Variants in STOML1 observed in about 807,000 individuals in gnomAD.
The protein encoded by STOML1 is stomatin like 1.
A neutral mutation model predicts 35.7 loss-of-function variants in STOML1; 27 were observed. The ratio of observed to expected loss-of-function variants is 0.76; its 90% CI spans 0.56 to 1.04. The LOEUF (loss-of-function observed/expected upper bound fraction) is 1.04, where lower values mean the gene tolerates loss of function less well. Ranked by LOEUF, STOML1 falls within the 50% of genes least tolerant of loss-of-function variation. The pLI, the probability that STOML1 is intolerant of heterozygous loss-of-function variation, is 0.00. For synonymous variants in STOML1, 219 were observed against 227.9 expected (o/e 0.96, Z 0.35); for missense variants, 451 against 527.1 (o/e 0.86, Z 1.41).
chr15:73,985,189 G>A, intron 5 of STOML1, 129 bp downstream of exon 5: 1 of 1,174,052 alleles, frequency 8.5e-7, no homozygotes. Context: ...TCACTGCCTT[G>A]GCTGTGGTCA....
rs888158753 is a variant in STOML1 at position 73,982,590 on chromosome 15, G to A, written c.*1347C>T. ...AAACAAGACAGAGCCAGGCACCCAG[G>A]AAGGGCAGAGACCCCTTGGGGGAGA... On this transcript the variant is annotated 3_prime_UTR_variant, in exon 7 of 7. Transcript: ENST00000541638. The A allele has an allele frequency of 9.8e-5, 15 of 152,680 alleles. No homozygotes were observed. Among genetic ancestry groups the A allele is most frequent in the Non-Finnish European group, 1.8e-4 (12 of 68,398 alleles). The allele number at this position is 152,680 out of a possible 1,614,324, so 9.5% of individuals were successfully genotyped here.
In STOML1 at chr15:73,984,630, G is replaced by A. The variant is rs530027105; in HGVS notation, c.1003+29C>T. On this transcript the variant is annotated intron_variant, in intron 6 of 6. Coordinates refer to ENST00000541638, the MANE Select transcript of STOML1 (RefSeq NM_004809.5). ...AACAAGAAACCTAGCAAGCTGGATG[G>A]GAAGGAGAGGCAAGGAGGGCAGCGG... 14 of 1,609,366 alleles carry A rather than the reference G, an allele frequency of 8.7e-6. No homozygotes were observed. In the South Asian group the frequency reaches 1.5e-4, roughly 18 times the overall value.
At chr15:73,987,640 C>G (rs2069139077) in intron 4 of STOML1, 1 of 152,238 alleles carries the variant, frequency 6.6e-6, no homozygotes, top group African/African-American at 2.4e-5. Context: ...TATGGCTCAG[C>G]TCTGCCCTTG....
chr15:73,990,515 G>T, intron 1 of STOML1, 58 bp from the exon 2 acceptor site: 9 of 1,507,978 alleles, frequency 6.0e-6, no homozygotes, highest in South Asian at 2.4e-5. Flanking sequence ...CAAGCGGAGT[G>T]AACTTGGGCA....
At chr15:73,989,817 CCA>C (rs2069210535) in intron 2 of STOML1, among the ~76,000 whole-genome samples, 1 of 152,166 alleles carries the variant, frequency 6.6e-6, no homozygotes, top group Non-Finnish European at 1.5e-5. Context: ...CCCTTGCAGA[CCA>C]CACCAAACCC....
chr15:73,993,248 G>A (rs1306327112), upstream of STOML1, among the ~76,000 whole-genome samples: 1 of 152,194 alleles, frequency 6.6e-6, no homozygotes, highest in African/African-American at 2.4e-5. Flanking sequence ...GAATTAACTT[G>A]CCTCTCCAGG....
chr15:73,983,817 G>T lies in STOML1; in HGVS notation c.*120C>A. The T allele has an allele frequency of 8.4e-7, 1 of 1,187,164 alleles. No homozygotes were observed. The highest frequency in any genetic ancestry group is 1.2e-6 in the Non-Finnish European group (1 of 858,916). The allele number at this position is 1,187,164 out of a possible 1,614,324, so 73.5% of individuals were successfully genotyped here. A position where few individuals can be genotyped will look rare whatever the true frequency, so the allele number is the denominator to read the frequency against. On this transcript the variant is annotated 3_prime_UTR_variant, in exon 7 of 7. Transcript: ENST00000541638. ...GCCTCCATTCATGGGCTCTTGGCTG[G>T]GCCTGAAATTTGTTAGGGCCTCAAC...
At position 73,984,138 on chromosome 15, in the gene STOML1, G is replaced by A; in HGVS notation, c.1004-8C>T. On this transcript the variant is annotated splice_polypyrimidine_tract_variant and splice_region_variant and intron_variant, in intron 6 of 6. Coordinates refer to ENST00000541638, the MANE Select transcript of STOML1 (RefSeq NM_004809.5). ...GTCCCACTCTTCCTCGTCCTGTGGG[G>A]CAAAAGAAAACCGAGTGTCAGTAGG... The A allele has an allele frequency of 1.2e-6, 2 of 1,604,772 alleles. No homozygotes were observed. The highest frequency in any genetic ancestry group is 1.7e-6 in the Non-Finnish European group (2 of 1,173,080).
At chr15:73,992,362 G>T, upstream of STOML1, 1 of 1,073,532 alleles carries the variant, frequency 9.3e-7, no homozygotes, top group East Asian at 3.5e-5. Flanking sequence ...CGCAGGAAGA[G>T]GAGGCCGGCC....
At chr15:73,984,521 G>A in intron 6 of STOML1, 138 bp downstream of exon 6, 1 of 1,009,210 alleles carries the variant, frequency 9.9e-7, no homozygotes, top group Non-Finnish European at 1.4e-6. Context: ...TGGAAATGGT[G>A]TCTGAGCCCC....
intron 6 of STOML1, 56 bp downstream of exon 6, chr15:73,984,603 G>T: frequency 3.1e-6 from 5 of 1,595,610 alleles, no homozygotes; most frequent in Non-Finnish European, 4.3e-6. Flanking sequence ...ACTGGGGTAG[G>T]TAACAAGAAA....
intron 1 of STOML1, 22 bp from the exon 2 acceptor site, chr15:73,990,479 G>C (rs751542224): frequency 2.5e-6 from 4 of 1,574,108 alleles, no homozygotes; most frequent in Middle Eastern, 1.7e-4. Context: ...AGCAGAGGTG[G>C]TCAACTGGAC....
rs1295835838 is a variant in STOML1 at position 73,992,121 on chromosome 15, G to A, written c.103C>T (p.Pro35Ser). The A allele has an allele frequency of 1.9e-6, 3 of 1,604,008 alleles. No homozygotes were observed. The highest frequency in any genetic ancestry group is 2.6e-6 in the Non-Finnish European group (3 of 1,176,406). ...FLGSQKGCLS[P>S]ERGGVGTGAD... ...CCTGTCCCCACGCCGCCCCGCTCCGGGGACAAGCAGCCCTTCTGCGAGCCC... is the reference window on the plus strand; with the variant it reads ...CCTGTCCCCACGCCGCCCCGCTCCGAGGACAAGCAGCCCTTCTGCGAGCCC... Residue 35 changes from proline to serine, a missense_variant, in exon 1 of 7, where the codon CCG (proline) becomes TCG (serine). Pro to Ser is a moderately conservative substitution (Grantham distance 74). Coordinates refer to ENST00000541638, the MANE Select transcript of STOML1 (RefSeq NM_004809.5).
At position 73,988,369 on chromosome 15, in the gene STOML1, ACTTCCTCTT is replaced by A; in HGVS notation, c.594+221_594+229del. On this transcript the variant is annotated intron_variant, in intron 4 of 6. Transcript: ENST00000541638. The surrounding 1 kb of genome is among the most constrained non-coding windows in gnomAD (Gnocchi z 4.8). Reference sequence around the variant, plus strand: ...GACCCCAAGAATGTCTGCCGGGGCCACTTCCTCTTCTCAGGGACAAGTTTGCCCAGGATC... The same window carrying A: ...GACCCCAAGAATGTCTGCCGGGGCCACTCAGGGACAAGTTTGCCCAGGATC... The A allele has an allele frequency of 1.8e-6, 1 of 560,742 alleles. No homozygotes were observed. The highest frequency in any genetic ancestry group is 3.2e-6 in the Non-Finnish European group (1 of 317,194). The allele number at this position is 560,742 out of a possible 1,614,324, so 34.7% of individuals were successfully genotyped here.
At position 73,988,467 on chromosome 15, in the gene STOML1, A is replaced by T; in HGVS notation, c.594+132T>A. The T allele has an allele frequency of 9.1e-7, 1 of 1,101,112 alleles. No homozygotes were observed. The highest frequency in any genetic ancestry group is 2.5e-5 in the Admixed American group (1 of 40,478). The allele number at this position is 1,101,112 out of a possible 1,614,324, so 68.2% of individuals were successfully genotyped here. The stretch of plus-strand genomic sequence containing the variant: ...GCCCCACCCAGGCACTGGCTCTTCA[A>T]AGGTGGTTACACTATTGGGACATAT... On this transcript the variant is annotated intron_variant, in intron 4 of 6. Coordinates refer to ENST00000541638, the MANE Select transcript of STOML1 (RefSeq NM_004809.5). This position sits in a 1 kb window ranked among gnomAD's most constrained non-coding sequence, Gnocchi z 4.8.
At chr15:73,994,373 C>A (rs1043908652), upstream of STOML1, among the ~76,000 whole-genome samples, 2 of 152,218 alleles carry the variant, frequency 1.3e-5, no homozygotes, top group African/African-American at 4.8e-5. Flanking sequence ...CGTTTGCAGG[C>A]TTGCTCTTCC....
intron 1 of STOML1, 115 bp downstream of exon 1, chr15:73,991,976 C>A (rs1046374768): frequency 6.4e-5 from 89 of 1,398,274 alleles, no homozygotes; most frequent in Non-Finnish European, 7.9e-5. Flanking sequence ...CTTTCTCAGT[C>A]CCCCCTCGTA....
Position 73,984,766 on chromosome 15 carries a change from T to C in STOML1, c.896A>G (p.Gln299Arg), listed in dbSNP as rs534933447. 6.2e-7 allele frequency: 1 copy of C among 1,614,090 alleles called. No homozygotes were observed. Among genetic ancestry groups the C allele is most frequent in the Non-Finnish European group, 8.5e-7 (1 of 1,180,024 alleles). The change falls in exon 6 of 7, where the codon CAG (glutamine) becomes CGG (arginine). Residue 299 changes from glutamine to arginine, a missense_variant. Gln to Arg is a conservative substitution (Grantham distance 43). Transcript: ENST00000541638. ...GACCAGGGCCTCAGACAGGAAGGGCTGTAGAGCAGTCAGTAGCCCCTCCGC... is the reference window on the plus strand; with the variant it reads ...GACCAGGGCCTCAGACAGGAAGGGCCGTAGAGCAGTCAGTAGCCCCTCCGC... ...PLAEGLLTAL[Q>R]PFLSEALVSQ... is the part of the protein sequence containing the mutation.
At chr15:73,984,926 C>G in intron 5 of STOML1, 55 bp from the exon 6 acceptor site, 1 of 1,601,208 alleles carries the variant, frequency 6.2e-7, no homozygotes, top group Non-Finnish European at 8.5e-7. Flanking sequence ...CATCGTGTTG[C>G]CAAGGTCAGG....
Sources: gnomAD v4.1 joint callset for allele counts (sites outside exome capture counted in the v4.1 genomes callset) on GRCh38, gnomAD v4.1.1 for gene constraint, Gnocchi (gnomAD v3.1) non-coding constraint, MANE v1.5 for transcripts, NCBI Gene and HGNC (gene_info 2026-07-23, HGNC 2026-07-21) for gene names.